Variants in DSCAM observed in about 807,000 individuals in gnomAD.
The protein encoded by DSCAM is cell adhesion molecule DSCAM.
DSCAM carries 47 observed loss-of-function variants against 217.7 expected under a neutral mutation model. That is an observed-to-expected ratio of 0.22 (90% confidence interval 0.17 to 0.28). The LOEUF is 0.28. DSCAM is among the 10% of genes least tolerant of loss of function. DSCAM has a pLI of 1.00. For missense variants in DSCAM, 2,080 were observed against 2,618.3 expected, an observed-to-expected ratio of 0.79 and a Z score of 4.49; for synonymous variants, 1,056 against 1,015.3, an observed-to-expected ratio of 1.04 and a Z score of -0.76.
At chr21:40,819,595 C>T (rs917571202) in intron 1 of DSCAM, among the ~76,000 whole-genome samples, 4 of 152,192 alleles carry the variant, frequency 2.6e-5, no homozygotes, top group African/African-American at 4.8e-5. Flanking sequence ...AGTCAACCAA[C>T]GAGATCATTG....
chr21:40,713,130 C>T (rs2090801050), intron 1 of DSCAM, among the ~76,000 whole-genome samples: 1 of 152,190 alleles, frequency 6.6e-6, no homozygotes, highest in Non-Finnish European at 1.5e-5. Context: ...AGACCTACAC[C>T]TCCTTGGGGA....
chr21:40,797,761 A>G (rs533941895), intron 1 of DSCAM, among the ~76,000 whole-genome samples: 16 of 152,240 alleles, frequency 1.1e-4, no homozygotes, highest in Non-Finnish European at 2.1e-4. Flanking sequence ...CCAGAAACCC[A>G]GAGCTTATTC....
At chr21:40,168,035 T>A (rs2090616331) in intron 15 of DSCAM, among the ~76,000 whole-genome samples, 1 of 152,154 alleles carries the variant, frequency 6.6e-6, no homozygotes, top group Non-Finnish European at 1.5e-5. Flanking sequence ...CACTCCAGCC[T>A]GGGCGACAGA....
chr21:40,356,387 T>TTATATA (rs2074693352), intron 4 of DSCAM, among the ~76,000 whole-genome samples: 1 of 84,896 alleles, frequency 1.2e-5, no homozygotes, highest in Non-Finnish European at 2.6e-5. Context: ...TGCTTGATAG[T>TTATATA]GATATATATA....
At chr21:40,516,121 TACACAC>T (rs10607888) in intron 3 of DSCAM, among the ~76,000 whole-genome samples, 1 of 150,582 alleles carries the variant, frequency 6.6e-6, no homozygotes, top group African/African-American at 2.4e-5. Flanking sequence ...TCCCCCACCA[TACACAC>T]ACACACACAC....
At chr21:40,794,582 T>C (rs1470487504) in intron 1 of DSCAM, among the ~76,000 whole-genome samples, 1 of 151,188 alleles carries the variant, frequency 6.6e-6, no homozygotes, top group Non-Finnish European at 1.5e-5. Flanking sequence ...AAGTGAACCA[T>C]TGCATCAACA....
chr21:40,110,707 G>A (rs1438264734), intron 20 of DSCAM, among the ~76,000 whole-genome samples: 2 of 152,176 alleles, frequency 1.3e-5, no homozygotes, highest in African/African-American at 2.4e-5. Flanking sequence ...AACCAATGCA[G>A]AGAAGTCCTT....
rs945011059 is a variant in DSCAM at position 40,756,993 on chromosome 21, G to T, written c.44-48222C>A. Among the ~76,000 whole-genome samples, 408 of 151,528 alleles carry T rather than the reference G, an allele frequency of 2.7e-3. 1 individual carries two copies. The highest frequency in any genetic ancestry group is 0.01 in the Middle Eastern group (3 of 288). On this transcript the variant is annotated intron_variant, in intron 1 of 32. Transcript: ENST00000400454. ...CAAATGGTCGTGTGTGTGTGTGTGT[G>T]TGTGTGTGTATGTGTGTGTATTTTA...
intron 9 of DSCAM, among the ~76,000 whole-genome samples, chr21:40,305,575 T>A (rs1238825868): frequency 6.6e-6 from 1 of 152,128 alleles, no homozygotes; most frequent in African/African-American, 2.4e-5. Context: ...TGGTTTTAGG[T>A]CTAAGGTTTA....
intron 8 of DSCAM, among the ~76,000 whole-genome samples, chr21:40,318,601 G>A (rs1381756390): frequency 2.0e-5 from 3 of 152,110 alleles, no homozygotes; most frequent in Non-Finnish European, 4.4e-5. Context: ...CCCTGAGATC[G>A]GTGACTTCCA....
At chr21:40,083,505 T>G (rs1023498434) in intron 24 of DSCAM, among the ~76,000 whole-genome samples, 2 of 152,004 alleles carry the variant, frequency 1.3e-5, no homozygotes, top group Non-Finnish European at 2.9e-5. Flanking sequence ...TGCAAATAGA[T>G]TGTTTTACAT....
chr21:40,421,038 G>A (rs1429415529), intron 3 of DSCAM, among the ~76,000 whole-genome samples: 1 of 152,124 alleles, frequency 6.6e-6, no homozygotes, highest in Admixed American at 6.5e-5. Context: ...AGAGTGCCTG[G>A]GAGCAACAGC....
At chr21:40,305,413 G>C (rs982063379) in intron 9 of DSCAM, among the ~76,000 whole-genome samples, 1 of 144,124 alleles carries the variant, frequency 6.9e-6, no homozygotes, top group Non-Finnish European at 1.5e-5. Flanking sequence ...AAAAAAGGAA[G>C]AAAAGAAAAG....
chr21:40,339,915 A>G (rs1201897723), intron 6 of DSCAM, among the ~76,000 whole-genome samples: 3 of 100,862 alleles, frequency 3.0e-5, no homozygotes, highest in African/African-American at 3.2e-5. Context: ...AATTCTTTAC[A>G]GGAATAAAGG....
intron 16 of DSCAM, among the ~76,000 whole-genome samples, chr21:40,153,608 T>C (rs1413335808): frequency 2.0e-5 from 3 of 152,144 alleles, no homozygotes; most frequent in Admixed American, 1.3e-4. Context: ...CTATGGAGCC[T>C]GTATGTAGTG....
intron 11 of DSCAM, among the ~76,000 whole-genome samples, chr21:40,247,247 C>A (rs2073238732): frequency 6.6e-6 from 1 of 152,120 alleles, no homozygotes; most frequent in Non-Finnish European, 1.5e-5. Flanking sequence ...CCTCCAAAAT[C>A]TCATGTCCTC....
At position 40,733,966 on chromosome 21, in the gene DSCAM, C is replaced by T. The variant is rs555757821; in HGVS notation, c.44-25195G>A. On this transcript the variant is annotated intron_variant, in intron 1 of 32. Transcript: ENST00000400454. ...TCTATATCTTTCTGTTAATTGATTC[C>T]AAATATAGGCAGGGAGCTGGGGTGT... 5.9e-5 allele frequency among the ~76,000 whole-genome samples: 9 copies of T among 152,240 alleles called. No homozygotes were observed. In the East Asian group the frequency reaches 1.7e-3, roughly 29 times the overall value.
chr21:40,780,423 G>GTA (rs71186965), intron 1 of DSCAM, among the ~76,000 whole-genome samples: 602 of 56,436 alleles, frequency 0.011, 29 homozygotes, highest in South Asian at 0.033. Context: ...GTGTGTGTGT[G>GTA]TATATATATA....
At chr21:40,600,445 T>A (rs1406805314) in intron 3 of DSCAM, among the ~76,000 whole-genome samples, 1 of 152,188 alleles carries the variant, frequency 6.6e-6, no homozygotes, top group East Asian at 1.9e-4. Flanking sequence ...AGAGACCTCA[T>A]GATTTAATCA....
Sources: allele counts gnomAD v4.1 joint callset (sites outside exome capture counted in the v4.1 genomes callset), GRCh38; gene constraint gnomAD v4.1.1; transcripts MANE v1.5; gene names NCBI Gene and HGNC (gene_info 2026-07-23, HGNC 2026-07-21).